OTOF: variants seen among roughly 807,000 people sequenced by gnomAD.
OTOF encodes fer-1-like family member 2.
In OTOF, 218 loss-of-function variants were observed where a neutral mutation model predicts 236.8. That is an observed-to-expected ratio of 0.92 (90% CI 0.82 to 1.03). OTOF has a LOEUF of 1.03. Ranked by LOEUF, OTOF falls within the 50% of genes least tolerant of loss-of-function variation. The pLI, the probability that OTOF is intolerant of heterozygous loss-of-function variation, is 0.00. For synonymous variants in OTOF, 1,041 were observed against 1,072.5 expected, an observed-to-expected ratio of 0.97 and a Z score of 0.57; for missense variants, 2,590 against 2,694.4, an observed-to-expected ratio of 0.96 and a Z score of 0.86.
At chr2:26,472,218 A>G (rs1300244351) in intron 30 of OTOF, 2 of 444,056 alleles carry the variant, frequency 4.5e-6, no homozygotes, top group East Asian at 4.7e-5. Flanking sequence ...TGCACACCAC[A>G]CATACGCATG....
Position 26,475,378 on chromosome 2 carries a change from A to T in OTOF, c.3107T>A (p.Ile1036Asn). ...RDDPPIIVIEIYDQDSMGKAD... is the reference protein window; with the variant it reads ...RDDPPIIVIENYDQDSMGKAD... The stretch of plus-strand genomic sequence containing the variant: ...CCATACCATGGAATCCTGGTCATAG[A>T]TTTCAATGACAATGATGGGCGGATC... The change falls in exon 25 of 47, where the codon ATC (isoleucine) becomes AAC (asparagine). Residue 1036 changes from isoleucine (I) to asparagine (N), a missense_variant. Ile to Asn is a moderately radical substitution (Grantham distance 149). Coordinates refer to ENST00000272371, the MANE Select transcript of OTOF (RefSeq NM_194248.3). 6.2e-7 allele frequency: 1 copy of T among 1,613,052 alleles called. No homozygotes were observed. Among genetic ancestry groups the T allele is most frequent in the Non-Finnish European group, 8.5e-7 (1 of 1,179,962 alleles).
intron 13 of OTOF, among the ~76,000 whole-genome samples, chr2:26,483,103 T>G (rs1665605609): frequency 7.7e-6 from 1 of 129,808 alleles, no homozygotes; most frequent in African/African-American, 3.0e-5. Flanking sequence ...GTGTGTGTAT[T>G]CGTGGGTGCA....
intron 8 of OTOF, 75 bp downstream of exon 8, chr2:26,501,679 G>C: frequency 9.9e-7 from 1 of 1,012,558 alleles, no homozygotes; most frequent in South Asian, 1.3e-5. Flanking sequence ...CAGTATAGTG[G>C]ATAATGCACA....
At chr2:26,511,411 T>C (rs1666386902) in intron 5 of OTOF, among the ~76,000 whole-genome samples, 1 of 152,198 alleles carries the variant, frequency 6.6e-6, no homozygotes, top group African/African-American at 2.4e-5. Context: ...AGAAAACTTT[T>C]CTGGAATGTT....
rs1256237581 is a variant in OTOF, at chr2:26,457,285, G to C, written c.*953C>G. 1 of 153,018 alleles carries C rather than the reference G, an allele frequency of 6.5e-6. No individual in the cohort carries two copies. The highest frequency in any genetic ancestry group is 1.5e-5 in the Non-Finnish European group (1 of 68,626). 9.5% of individuals were successfully genotyped at this position (153,018 alleles called of 1,614,324 possible). On this transcript the variant is annotated 3_prime_UTR_variant, in exon 47 of 47. Transcript: ENST00000272371. This position sits in a 1 kb window ranked among gnomAD's most constrained non-coding sequence, Gnocchi z 4.4. ...CCAACAGAAACCCAGACACAGGCAG[G>C]GGCAGCACTTGACGGGCCAGCTCCC...
intron 5 of OTOF, among the ~76,000 whole-genome samples, chr2:26,516,215 C>A (rs1572468519): frequency 6.6e-6 from 1 of 152,218 alleles, no homozygotes; most frequent in African/African-American, 2.4e-5. Context: ...GAGTCTCCTG[C>A]TCCCTGCCCA....
In OTOF at chr2:26,537,641, C is replaced by T. The variant is rs74640183; in HGVS notation, c.138+75G>A. On this transcript the variant is annotated intron_variant, in intron 2 of 46. Coordinates refer to ENST00000272371, the MANE Select transcript of OTOF (RefSeq NM_194248.3). ...CTGGGATTTGGGGCCAGTGTGTGCC[C>T]GCAAGAGGCAGCGAAGGGTGGCTGT... The T allele has an allele frequency of 9.2e-3, 10,673 of 1,165,832 alleles. 454 individuals carry two copies. The East Asian group carries it at 0.13, about 15-fold the overall frequency. 72.2% of individuals were successfully genotyped at this position (1,165,832 alleles called of 1,614,324 possible). A position where few individuals can be genotyped will look rare whatever the true frequency, so the allele number is the denominator to read the frequency against.
Position 26,527,512 on chromosome 2 carries a change from C to T in OTOF, c.227+320G>A, listed in dbSNP as rs112274642. ...TCTCCAGTGGGTAACTGTACCCCAG[C>T]GTGGCATTGAGGGAGACTTAAAGCT... On this transcript the variant is annotated intron_variant, in intron 3 of 46. Transcript: ENST00000272371. 8.2e-3 allele frequency among the ~76,000 whole-genome samples: 1,254 copies of T among 152,250 alleles called. 18 individuals are homozygous for T. Among genetic ancestry groups the T allele is most frequent in the African/African-American group, 0.027 (1,137 of 41,542 alleles).
chr2:26,521,634 C>T lies in OTOF; in HGVS notation c.228-2525G>A, dbSNP rs74623441. ...GTCCATTCAGCCACTGCCTTAATCA[C>T]ACAGTGTGCTGAGCAAGATTGGCCT... On this transcript the variant is annotated intron_variant, in intron 3 of 46. Coordinates refer to ENST00000272371, the MANE Select transcript of OTOF (RefSeq NM_194248.3). Among the ~76,000 whole-genome samples the T allele has an allele frequency of 9.2e-3, 1,394 of 152,332 alleles. 6 individuals are homozygous for T. Among genetic ancestry groups the T allele is most frequent in the Middle Eastern group, 0.017 (5 of 294 alleles).
intron 6 of OTOF, 96 bp from the exon 7 acceptor site, chr2:26,502,522 A>G: frequency 7.5e-7 from 1 of 1,341,694 alleles, no homozygotes; most frequent in Non-Finnish European, 1.0e-6. Context: ...TGAGAGTTAA[A>G]TTCGAGGTTT....
intron 3 of OTOF, among the ~76,000 whole-genome samples, chr2:26,525,565 C>T (rs890465434): frequency 1.3e-5 from 2 of 152,172 alleles, no homozygotes; most frequent in African/African-American, 2.4e-5. Flanking sequence ...GCCTCAATAC[C>T]TCATCTCAGT....
At chr2:26,502,653 G>A (rs1316177446) in intron 6 of OTOF, among the ~76,000 whole-genome samples, 1 of 152,166 alleles carries the variant, frequency 6.6e-6, no homozygotes, top group African/African-American at 2.4e-5. Flanking sequence ...TTAATTGAAT[G>A]CTCTTTTATT....
chr2:26,539,733 CA>C (rs1422975627), intron 1 of OTOF, among the ~76,000 whole-genome samples: 1 of 151,960 alleles, frequency 6.6e-6, no homozygotes. Flanking sequence ...AACTCCATCT[CA>C]AAAAAGTTAA....
chr2:26,516,489 G>C lies in OTOF; in HGVS notation c.438C>G (p.Ser146Arg). 6.2e-7 allele frequency: 1 copy of C among 1,613,788 alleles called. No individual in the cohort carries two copies. The highest frequency in any genetic ancestry group is 1.1e-5 in the South Asian group (1 of 91,084). The change falls in exon 5 of 47, where the codon AGC (serine) becomes AGG (arginine). Residue 146 changes from serine to arginine, a missense_variant. Ser to Arg is a moderately radical substitution (Grantham distance 110). Around this residue, in one of 2 missense-constraint regions of OTOF, gnomAD observed 1,379 missense variants for 1,341.6 expected, o/e 1.03. Transcript: ENST00000272371. ...DESLQEEEKD[S>R]QETDGLLPGS... ...CTGGGAGCAGTCCATCCGTCTCTTG[G>C]CTGTCCTTCTCTTCCTCTTGAAGAG...
rs145914599 is a variant in OTOF at position 26,461,874 on chromosome 2, G to T, written c.5355C>A (p.Gly1785=). The T allele has an allele frequency of 6.2e-7, 1 of 1,614,034 alleles. No homozygotes were observed. Among genetic ancestry groups the T allele is most frequent in the South Asian group, 1.1e-5 (1 of 91,086 alleles). The change falls in exon 43 of 47, where the codon GGC becomes GGA. Residue 1785 remains glycine (G), a synonymous_variant. Transcript: ENST00000272371. This position sits in a 1 kb window ranked among gnomAD's most constrained non-coding sequence, Gnocchi z 6.2. The part of the protein sequence containing the change: ...DTDVHYHSLT[G]EGNFNWRYLF... ...GGTAGCGCCAGTTGAAGTTGCCCTC[G>T]CCAGTGAGGGAGTGGTAGTGGACGT...
Position 26,472,634 on chromosome 2 carries a change from C to A in OTOF, c.3749G>T (p.Arg1250Leu). ...SWNTTVRLLR[R>L]CRVLCNGGSS... ...GCCCCCATTGCACAGCACACGGCAG[C>A]GCCGGAGAAGCCTGACTGGACAGAT... The change falls in exon 30 of 47, where the codon CGC becomes CTC. Residue 1250 changes from arginine (R) to leucine (L), a missense_variant. Arg to Leu is a moderately radical substitution (Grantham distance 102). Coordinates refer to ENST00000272371, the MANE Select transcript of OTOF (RefSeq NM_194248.3). 1 of 1,613,146 alleles carries A rather than the reference C, an allele frequency of 6.2e-7. No individual in the cohort carries two copies. The highest frequency in any genetic ancestry group is 8.5e-7 in the Non-Finnish European group (1 of 1,179,930).
At chr2:26,539,180 A>G (rs544522440) in intron 1 of OTOF, among the ~76,000 whole-genome samples, 9 of 152,128 alleles carry the variant, frequency 5.9e-5, no homozygotes, top group Non-Finnish European at 1.0e-4. Context: ...AATGGTACAG[A>G]GAAGGGAGGA....
rs1313571812 is a variant in OTOF, at chr2:26,461,102, C to T, written c.5534-72G>A. 5.2e-6 allele frequency: 6 copies of T among 1,143,864 alleles called. No individual in the cohort carries two copies. The highest frequency in any genetic ancestry group is 1.5e-5 in the African/African-American group (1 of 65,488). The allele number at this position is 1,143,864 out of a possible 1,614,324, so 70.9% of individuals were successfully genotyped here. On this transcript the variant is annotated intron_variant, in intron 43 of 46. Transcript: ENST00000272371. The surrounding 1 kb of genome is among the most constrained non-coding windows in gnomAD (Gnocchi z 6.2). ...GGCGGGGTGGGGGTGGGGGTCTGGG[C>T]TCCTCGGCCCCTTGTTTGCTGAGTG...
intron 2 of OTOF, among the ~76,000 whole-genome samples, chr2:26,528,882 G>C (rs1300136421): frequency 6.6e-6 from 1 of 152,250 alleles, no homozygotes; most frequent in Admixed American, 6.5e-5. Context: ...ATACCTGCAA[G>C]AGGGGCAGCA....
Sources: gnomAD v4.1 joint callset for allele counts (sites outside exome capture counted in the v4.1 genomes callset) on GRCh38, gnomAD v4.1.1 for gene constraint, gnomAD v4.1.1 regional missense constraint, Gnocchi (gnomAD v3.1) non-coding constraint, MANE v1.5 for transcripts, NCBI Gene and HGNC (gene_info 2026-07-23, HGNC 2026-07-21) for gene names.